The following DNAH8 variants were observed in gnomAD, a reference collection of about 807,000 sequenced individuals.
The protein encoded by DNAH8 is axonemal beta dynein heavy chain 8.
DNAH8 carries 382 observed loss-of-function variants against 562.1 expected under a neutral mutation model. The ratio of observed to expected loss-of-function variants is 0.68; its 90% CI spans 0.63 to 0.74. DNAH8 has a LOEUF of 0.74. Among genes scored for constraint, DNAH8 ranks in the 30% least tolerant of loss-of-function variants. The pLI, the probability that DNAH8 is intolerant of heterozygous loss-of-function variation, is 0.00. For synonymous variants in DNAH8, 1,881 were observed against 1,919.4 expected (o/e 0.98, Z 0.52); for missense variants, 5,203 against 5,620.4 (o/e 0.93, Z 2.37).
At chr6:38,825,366 G>A (rs1412098726) in intron 28 of DNAH8, among the ~76,000 whole-genome samples, 1 of 152,120 alleles carries the variant, frequency 6.6e-6, no homozygotes, top group Non-Finnish European at 1.5e-5. Flanking sequence ...GGGAAGGATT[G>A]ATAAGGCAGA....
chr6:38,914,922 A>C lies in DNAH8; in HGVS notation c.9964-279A>C, dbSNP rs186552801. Among the ~76,000 whole-genome samples, 974 of 152,246 alleles carry C rather than the reference A, an allele frequency of 6.4e-3. 14 individuals carry two copies. Among genetic ancestry groups the C allele is most frequent in the African/African-American group, 0.022 (925 of 41,568 alleles). On this transcript the variant is annotated intron_variant, in intron 67 of 92. Coordinates refer to ENST00000327475, the MANE Select transcript of DNAH8 (RefSeq NM_001206927.2). The stretch of plus-strand genomic sequence containing the variant: ...CTTACTTGAATTGTTTTAATTTTCT[A>C]GAAATTTGTAGAGTGAAAATACTAT...
intron 89 of DNAH8, among the ~76,000 whole-genome samples, chr6:39,012,009 A>C (rs1181985422): frequency 6.6e-6 from 1 of 152,244 alleles, no homozygotes; most frequent in Non-Finnish European, 1.5e-5. Context: ...AAGAAATAAA[A>C]ATCATTTTAG....
chr6:38,731,441 A>G (rs1334656142), intron 4 of DNAH8, among the ~76,000 whole-genome samples: 1 of 152,174 alleles, frequency 6.6e-6, no homozygotes. Flanking sequence ...AAATGTTAAC[A>G]TCTGCATTTT....
intron 26 of DNAH8, among the ~76,000 whole-genome samples, chr6:38,817,550 C>T (rs746155742): frequency 1.3e-5 from 2 of 152,182 alleles, no homozygotes; most frequent in African/African-American, 2.4e-5. Flanking sequence ...GTGTTGGTGT[C>T]AGCTGAAAAT....
rs139004515 is a variant in DNAH8 at position 38,906,143 on chromosome 6, G to A, written c.9195-111G>A. The stretch of plus-strand genomic sequence containing the variant: ...AGGATGGTCTCGATCTCCTGACCTC[G>A]TGATCCACCCGCCTTGGCCTCCCAA... On this transcript the variant is annotated intron_variant, in intron 62 of 92. Coordinates refer to ENST00000327475, the MANE Select transcript of DNAH8 (RefSeq NM_001206927.2). The A allele has an allele frequency of 6.1e-3, 3,275 of 532,952 alleles. 81 individuals carry two copies. The highest frequency in any genetic ancestry group is 0.055 in the African/African-American group (2,853 of 52,306). The allele number at this position is 532,952 out of a possible 1,614,324, so 33.0% of individuals were successfully genotyped here.
At position 38,872,902 on chromosome 6, in the gene DNAH8, T is replaced by G; in HGVS notation, c.7238-4T>G. ...AAGTGATTTTCTGTTTTAATTATTTTCAGGTGAAAACATTTTCCTCATTTT... is the reference window on the plus strand; with the variant it reads ...AAGTGATTTTCTGTTTTAATTATTTGCAGGTGAAAACATTTTCCTCATTTT... On this transcript the variant is annotated splice_region_variant and splice_polypyrimidine_tract_variant and intron_variant, in intron 50 of 92. Transcript: ENST00000327475. 6.2e-7 allele frequency: 1 copy of G among 1,610,878 alleles called. No homozygotes were observed. The highest frequency in any genetic ancestry group is 8.5e-7 in the Non-Finnish European group (1 of 1,179,050).
chr6:38,886,983 G>A lies in DNAH8; in HGVS notation c.8452G>A (p.Ala2818Thr), dbSNP rs1249946781. ...TVFNCTLPSN[A>T]SIDKIFGIIG... ...GTTTAATTGTACATTGCCTTCAAAT[G>A]CTTCAATAGACAAAATTTTTGGTAT... Residue 2818 changes from alanine to threonine, a missense_variant, in exon 57 of 93, where the codon GCT (alanine) becomes ACT (threonine). By Grantham distance (58) the Ala-to-Thr change is moderately conservative (BLOSUM62 0). Coordinates refer to ENST00000327475, the MANE Select transcript of DNAH8 (RefSeq NM_001206927.2). The A allele has an allele frequency of 1.2e-6, 2 of 1,612,128 alleles. No individual in the cohort carries two copies. The highest frequency in any genetic ancestry group is 1.7e-6 in the Non-Finnish European group (2 of 1,178,450).
At chr6:38,768,257 G>A (rs1738269) in intron 11 of DNAH8, among the ~76,000 whole-genome samples, 38,573 of 151,690 alleles carry the variant, frequency 0.25, 5,447 homozygotes, top group East Asian at 0.46. Context: ...TTGCTTATTT[G>A]TCTATTTATT....
intron 28 of DNAH8, among the ~76,000 whole-genome samples, chr6:38,825,513 G>A (rs1018276498): frequency 1.3e-5 from 2 of 152,204 alleles, no homozygotes; most frequent in African/African-American, 4.8e-5. Context: ...AGTATAGGAA[G>A]CTGAGGAAGT....
At chr6:39,000,982 A>C (rs906924627) in intron 88 of DNAH8, among the ~76,000 whole-genome samples, 11 of 152,140 alleles carry the variant, frequency 7.2e-5, no homozygotes, top group African/African-American at 2.7e-4. Context: ...AAGGACCAAG[A>C]ACTTAGACTG....
Position 38,814,034 on chromosome 6 carries a change from A to G in DNAH8, c.3258-20A>G, listed in dbSNP as rs1377586337. The G allele has an allele frequency of 1.3e-6, 2 of 1,532,806 alleles. No homozygotes were observed. Among genetic ancestry groups the G allele is most frequent in the Non-Finnish European group, 1.8e-6 (2 of 1,110,378 alleles). The allele number at this position is 1,532,806 out of a possible 1,614,324, so 95.0% of individuals were successfully genotyped here. On this transcript the variant is annotated intron_variant, in intron 24 of 92. Coordinates refer to ENST00000327475, the MANE Select transcript of DNAH8 (RefSeq NM_001206927.2). The stretch of plus-strand genomic sequence containing the variant: ...AATTTTAGGGTAAGGTTCATCAGCT[A>G]AATGTCCATCTCATTGCAGCCTTTA...
At position 38,815,523 on chromosome 6, in the gene DNAH8, T is replaced by C. The variant is rs759426227; in HGVS notation, c.3389T>C (p.Leu1130Ser). ...CAAGCCATTAACCGTATGATCCAGT[T>C]AACCCTGGAGGTCAGCAGAGGAGTG... Reference protein sequence around the residue: ...IQQAINRMIQLTLEVSRGVAH... With the variant: ...IQQAINRMIQSTLEVSRGVAH... The change falls in exon 26 of 93, where the codon TTA becomes TCA. Residue 1130 changes from leucine (L) to serine (S), a missense_variant. This residue lies in a region of DNAH8 where 2,176 missense variants were observed against 2,365.1 expected (regional missense o/e 0.92). Coordinates refer to ENST00000327475, the MANE Select transcript of DNAH8 (RefSeq NM_001206927.2). 46 of 1,613,948 alleles carry C rather than the reference T, an allele frequency of 2.9e-5. No homozygotes were observed. Among genetic ancestry groups the C allele is most frequent in the Non-Finnish European group, 3.8e-5 (45 of 1,179,856 alleles).
chr6:38,889,280 A>G (rs975756529), intron 57 of DNAH8, among the ~76,000 whole-genome samples: 4 of 152,260 alleles, frequency 2.6e-5, no homozygotes, highest in Non-Finnish European at 5.9e-5. Flanking sequence ...AATCACAGGA[A>G]AAATATAATT....
chr6:38,760,113 T>G lies in DNAH8; in HGVS notation c.1516-1589T>G, dbSNP rs114143536. Among the ~76,000 whole-genome samples, 1,217 of 152,358 alleles carry G rather than the reference T, an allele frequency of 8.0e-3. 5 individuals are homozygous for G. Among genetic ancestry groups the G allele is most frequent in the Non-Finnish European group, 0.012 (845 of 68,026 alleles). The stretch of plus-strand genomic sequence containing the variant: ...TTGCTAATTTATTTATCACCACTGT[T>G]TTGTGATTCCCACATCTTTTTCCTT... On this transcript the variant is annotated intron_variant, in intron 10 of 92. Transcript: ENST00000327475.
At position 38,828,180 on chromosome 6, in the gene DNAH8, G is replaced by T. The variant is rs61748602; in HGVS notation, c.4084-4G>T. 9,827 of 1,575,248 alleles carry T rather than the reference G, an allele frequency of 6.2e-3. 51 individuals are homozygous for T. Among genetic ancestry groups the T allele is most frequent in the Non-Finnish European group, 6.4e-3 (7,476 of 1,159,238 alleles). ...TATTTCTAAACTCCACCTTCATCCT[G>T]CAGGAAGCCTATGCTATTTTAAACA... On this transcript the variant is annotated splice_polypyrimidine_tract_variant and splice_region_variant and intron_variant, in intron 29 of 92. Coordinates refer to ENST00000327475, the MANE Select transcript of DNAH8 (RefSeq NM_001206927.2).
chr6:38,946,821 A>G (rs911158799), intron 80 of DNAH8, among the ~76,000 whole-genome samples: 1 of 152,116 alleles, frequency 6.6e-6, no homozygotes, highest in African/African-American at 2.4e-5. Context: ...GGGGAAAAAA[A>G]AAGAAAAGAA....
chr6:38,775,265 A>G (rs1344727349), intron 12 of DNAH8, among the ~76,000 whole-genome samples: 1 of 152,144 alleles, frequency 6.6e-6, no homozygotes, highest in Admixed American at 6.5e-5. Context: ...AGGGTTTCCC[A>G]GGTCTCATCA....
rs571229617 is a variant in DNAH8, at chr6:38,976,199, G to A, written c.12834+1670G>A. Among the ~76,000 whole-genome samples the A allele has an allele frequency of 8.5e-5, 13 of 152,358 alleles. No individual in the cohort carries two copies. The South Asian group carries it at 2.7e-3, about 32-fold the overall frequency. ...GACTTTCGTGCTTGCTGTGAAATCA[G>A]TTAGCTGAAAGCAGTTAGTTGATCA... On this transcript the variant is annotated intron_variant, in intron 85 of 92. Transcript: ENST00000327475.
chr6:38,824,378 A>G (rs898049843), intron 28 of DNAH8, among the ~76,000 whole-genome samples: 5 of 152,056 alleles, frequency 3.3e-5, no homozygotes, highest in Admixed American at 6.6e-5. Context: ...GGTTTATTGG[A>G]GTAAGTCTTT....
Sources: gnomAD v4.1 joint callset for allele counts (sites outside exome capture counted in the v4.1 genomes callset) on GRCh38, gnomAD v4.1.1 for gene constraint, gnomAD v4.1.1 regional missense constraint, MANE v1.5 for transcripts, NCBI Gene and HGNC (gene_info 2026-07-23, HGNC 2026-07-21) for gene names.